POU2F1: variants seen among roughly 807,000 people sequenced by gnomAD.
POU2F1 encodes POU domain, class 2, transcription factor 1.
Under a neutral mutation model 84.9 loss-of-function variants are expected in POU2F1, and 16 were observed. The ratio of observed to expected loss-of-function variants is 0.19; its 90% CI spans 0.13 to 0.29. POU2F1 has a LOEUF of 0.29. Ranked by LOEUF, POU2F1 falls within the 10% of genes least tolerant of loss-of-function variation. POU2F1 has a pLI of 1.00. For missense variants in POU2F1, 738 were observed against 942.6 expected (o/e 0.78, Z 2.84); for synonymous variants, 368 against 368.3 (o/e 1.00, Z 0.01).
intron 1 of POU2F1, among the ~76,000 whole-genome samples, chr1:167,241,008 G>A (rs1262606810): frequency 2.6e-5 from 4 of 152,118 alleles, no homozygotes; most frequent in African/African-American, 9.7e-5. Context: ...CTGATGTGGT[G>A]GTGCGTGCCT....
chr1:167,300,747 G>A (rs1654632057), intron 1 of POU2F1, among the ~76,000 whole-genome samples: 1 of 151,832 alleles, frequency 6.6e-6, no homozygotes, highest in African/African-American at 2.4e-5. Context: ...ACAGGCATGA[G>A]CCACTGCACC....
chr1:167,244,127 G>A (rs1650128856), intron 1 of POU2F1, among the ~76,000 whole-genome samples: 1 of 152,222 alleles, frequency 6.6e-6, no homozygotes, highest in Non-Finnish European at 1.5e-5. Flanking sequence ...GGCTGGAGCG[G>A]TGTGAGAATA....
At chr1:167,409,218 G>C (rs1649792135) in intron 13 of POU2F1, among the ~76,000 whole-genome samples, 1 of 152,098 alleles carries the variant, frequency 6.6e-6, no homozygotes, top group African/African-American at 2.4e-5. Context: ...CACAGTGTAA[G>C]GTAAAGATCT....
intron 2 of POU2F1, among the ~76,000 whole-genome samples, chr1:167,341,143 G>T (rs2101755049): frequency 6.6e-6 from 1 of 152,188 alleles, no homozygotes; most frequent in South Asian, 2.1e-4. Context: ...TTATCTTTTA[G>T]TCATTCACAG....
chr1:167,324,783 A>G (rs958302205), intron 1 of POU2F1, among the ~76,000 whole-genome samples: 3 of 152,198 alleles, frequency 2.0e-5, no homozygotes, highest in Non-Finnish European at 2.9e-5. Flanking sequence ...GCAGTGCTTA[A>G]TAGCCACGTT....
chr1:167,390,111 C>G (rs1443604570), intron 9 of POU2F1, among the ~76,000 whole-genome samples: 2 of 152,250 alleles, frequency 1.3e-5, no homozygotes, highest in East Asian at 3.9e-4. Flanking sequence ...AGGGAGGTCC[C>G]GAAACCAATC....
chr1:167,245,749 G>T (rs1395481272), intron 1 of POU2F1, among the ~76,000 whole-genome samples: 1 of 152,138 alleles, frequency 6.6e-6, no homozygotes. Flanking sequence ...TGTAGAGATG[G>T]TTTCACTGTA....
At chr1:167,410,811 T>G (rs1649910416) in intron 13 of POU2F1, among the ~76,000 whole-genome samples, 1 of 151,800 alleles carries the variant, frequency 6.6e-6, no homozygotes, top group Non-Finnish European at 1.5e-5. Flanking sequence ...CCACCACACC[T>G]GGCCTTGTCT....
intron 1 of POU2F1, among the ~76,000 whole-genome samples, chr1:167,224,292 C>G (rs886589768): frequency 4.6e-5 from 7 of 152,104 alleles, no homozygotes; most frequent in African/African-American, 1.7e-4. Flanking sequence ...GTTTCTTAAT[C>G]AGAGCATGGC....
At chr1:167,315,165 C>G (rs1321431442) in intron 1 of POU2F1, among the ~76,000 whole-genome samples, 2 of 152,142 alleles carry the variant, frequency 1.3e-5, no homozygotes, top group Non-Finnish European at 2.9e-5. Context: ...TTATGCATTA[C>G]CCAGCCTCAG....
intron 1 of POU2F1, among the ~76,000 whole-genome samples, chr1:167,313,766 T>C (rs1313508588): frequency 6.6e-6 from 1 of 152,224 alleles, no homozygotes; most frequent in East Asian, 1.9e-4. Context: ...TATTTTGCTA[T>C]GTGCAAACCT....
chr1:167,343,629 TCAA>T (rs1658003482), intron 2 of POU2F1, among the ~76,000 whole-genome samples: 1 of 129,074 alleles, frequency 7.7e-6, no homozygotes, highest in Non-Finnish European at 1.6e-5. Context: ...AAGCCAGGGG[TCAA>T]TTTTTTTTTT....
chr1:167,298,471 G>C (rs995487387), intron 1 of POU2F1, among the ~76,000 whole-genome samples: 1 of 152,026 alleles, frequency 6.6e-6, no homozygotes, highest in East Asian at 1.9e-4. Context: ...TTCCTGCTCT[G>C]TATGTAAAGT....
At chr1:167,223,481 A>C (rs1648390445) in intron 1 of POU2F1, among the ~76,000 whole-genome samples, 1 of 152,004 alleles carries the variant, frequency 6.6e-6, no homozygotes, top group African/African-American at 2.4e-5. Flanking sequence ...TCACTGGTGG[A>C]TGTTTACCGC....
intron 1 of POU2F1, among the ~76,000 whole-genome samples, chr1:167,308,862 A>G (rs970439669): frequency 7.9e-5 from 12 of 152,154 alleles, no homozygotes; most frequent in African/African-American, 2.9e-4. Context: ...ATGGTTTTCA[A>G]ATATTGATTT....
intron 13 of POU2F1, among the ~76,000 whole-genome samples, chr1:167,410,027 C>A (rs2101939340): frequency 6.6e-6 from 1 of 152,290 alleles, no homozygotes; most frequent in South Asian, 2.1e-4. Flanking sequence ...GGACCCTACA[C>A]AGCATCCAGT....
At chr1:167,254,011 G>A (rs1185886883) in intron 1 of POU2F1, among the ~76,000 whole-genome samples, 1 of 152,118 alleles carries the variant, frequency 6.6e-6, no homozygotes, top group Non-Finnish European at 1.5e-5. Context: ...TAGAATGGAA[G>A]CTCTTTTGGC....
rs1335550723 is a variant in POU2F1 at position 167,420,648 on chromosome 1, C to A, written c.*4838C>A. The A allele has an allele frequency of 6.6e-6, 1 of 152,220 alleles. No individual in the cohort carries two copies. The highest frequency in any genetic ancestry group is 1.5e-5 in the Non-Finnish European group (1 of 68,058). The allele number at this position is 152,220 out of a possible 1,614,324, so 9.4% of individuals were successfully genotyped here. A position where few individuals can be genotyped will look rare whatever the true frequency, so the allele number is the denominator to read the frequency against. On this transcript the variant is annotated 3_prime_UTR_variant, in exon 16 of 16. Coordinates refer to ENST00000367866, the MANE Select transcript of POU2F1 (RefSeq NM_002697.4). ...AGATAGGAAGACAGAGGAAAAGCCT[C>A]TTGCTGTTGTTTCTTCCCAAGAAAG...
At chr1:167,313,703 C>A (rs184538862) in intron 1 of POU2F1, among the ~76,000 whole-genome samples, 1 of 152,164 alleles carries the variant, frequency 6.6e-6, no homozygotes, top group Non-Finnish European at 1.5e-5. Context: ...TTAAACGTGA[C>A]ACCAAACATA....
Sources: gnomAD v4.1 joint callset for allele counts (sites outside exome capture counted in the v4.1 genomes callset) on GRCh38, gnomAD v4.1.1 for gene constraint, MANE v1.5 for transcripts, NCBI Gene and HGNC (gene_info 2026-07-23, HGNC 2026-07-21) for gene names.